TRAF3IP1: variants seen among roughly 807,000 people sequenced by gnomAD.
The protein encoded by TRAF3IP1 is TRAF3-interacting protein 1.
TRAF3IP1 carries 53 observed loss-of-function variants against 89.9 expected under a neutral mutation model. The ratio of observed to expected loss-of-function variants is 0.59; its 90% CI spans 0.47 to 0.74. The LOEUF (loss-of-function observed/expected upper bound fraction) is 0.74. Among genes scored for constraint, TRAF3IP1 ranks in the 30% least tolerant of loss-of-function variants. TRAF3IP1 has a pLI of 0.00. For missense variants in TRAF3IP1, 806 were observed against 866.1 expected, an observed-to-expected ratio of 0.93 and a Z score of 0.87; for synonymous variants, 311 against 322.1, an observed-to-expected ratio of 0.97 and a Z score of 0.37.
In TRAF3IP1 at chr2:238,320,619, G is replaced by C; in HGVS notation, c.-44G>C. The C allele has an allele frequency of 3.2e-6, 4 of 1,242,352 alleles. No individual in the cohort carries two copies. Among genetic ancestry groups the C allele is most frequent in the Non-Finnish European group, 4.1e-6 (4 of 976,320 alleles). 77.0% of individuals were successfully genotyped at this position (1,242,352 alleles called of 1,614,324 possible). On this transcript the variant is annotated 5_prime_UTR_variant, in exon 1 of 17. Coordinates refer to ENST00000373327, the MANE Select transcript of TRAF3IP1 (RefSeq NM_015650.4). Reference sequence around the variant, plus strand: ...GGGACCCGGGCTTAGGCTCGGCCAGGCCGGCTGAGGGGCGCGGGCGGCCAG... The same window carrying C: ...GGGACCCGGGCTTAGGCTCGGCCAGCCCGGCTGAGGGGCGCGGGCGGCCAG...
rs747081727 is a variant in TRAF3IP1, at chr2:238,345,423, A to G, written c.1261+825A>G. 6.6e-6 allele frequency among the ~76,000 whole-genome samples: 1 copy of G among 152,176 alleles called. No homozygotes were observed. The highest frequency in any genetic ancestry group is 1.5e-5 in the Non-Finnish European group (1 of 68,026). ...CTGCAGGGCAGAAGGGGCTGTATAA[A>G]CCAAGATCCCGGCTGGGATGCGACT... On this transcript the variant is annotated intron_variant, in intron 9 of 16. Coordinates refer to ENST00000373327, the MANE Select transcript of TRAF3IP1 (RefSeq NM_015650.4). This position sits in a 1 kb window ranked among gnomAD's most constrained non-coding sequence, Gnocchi z 4.7.
At chr2:238,365,317 T>C (rs944006813) in intron 15 of TRAF3IP1, among the ~76,000 whole-genome samples, 1 of 152,178 alleles carries the variant, frequency 6.6e-6, no homozygotes, top group Non-Finnish European at 1.5e-5. Flanking sequence ...CCTAGTATTA[T>C]TGGATTTTTC....
chr2:238,369,961 C>G (rs951560586), intron 15 of TRAF3IP1, among the ~76,000 whole-genome samples: 1 of 152,146 alleles, frequency 6.6e-6, no homozygotes, highest in Non-Finnish European at 1.5e-5. Context: ...TGTGTCCTTT[C>G]AGCCTGCGCC....
chr2:238,373,326 G>C (rs1444415012), intron 15 of TRAF3IP1, among the ~76,000 whole-genome samples: 1 of 152,132 alleles, frequency 6.6e-6, no homozygotes, highest in African/African-American at 2.4e-5. Flanking sequence ...ATAAGGAAGG[G>C]ATCCAGTTTC....
intron 12 of TRAF3IP1, among the ~76,000 whole-genome samples, chr2:238,352,040 C>T (rs141974863): frequency 3.3e-5 from 5 of 151,832 alleles, no homozygotes; most frequent in Admixed American, 2.0e-4. Flanking sequence ...ATTAAGGAGC[C>T]TGTAGAGTGT....
intron 7 of TRAF3IP1, 44 bp downstream of exon 7, chr2:238,334,079 T>TTG: frequency 5.3e-6 from 5 of 951,058 alleles, no homozygotes; most frequent in Non-Finnish European, 7.0e-6. Context: ...TGGATATTAG[T>TTG]TTTTTTTTTT....
chr2:238,324,902 G>A (rs554344009), intron 1 of TRAF3IP1, among the ~76,000 whole-genome samples: 2 of 152,216 alleles, frequency 1.3e-5, no homozygotes, highest in South Asian at 2.1e-4. Context: ...ACACCCAGCC[G>A]TGTGGACTTT....
chr2:238,338,366 GA>G lies in TRAF3IP1; in HGVS notation c.1070del (p.Lys357ArgfsTer10). 6.5e-7 allele frequency: 1 copy of G among 1,547,974 alleles called. No individual in the cohort carries two copies. Among genetic ancestry groups the G allele is most frequent in the Non-Finnish European group, 8.8e-7 (1 of 1,138,176 alleles). ...TTGTTAACTATTTTATGTCAGGAAG[GA>G]AGGAGGATAATATTTCAGCTAAAAG... ...RRSKNSVEGR[K>X]EDNISAKSLD... is the part of the protein sequence containing the mutation. On this transcript the variant is annotated frameshift_variant, in exon 8 of 17. Transcript: ENST00000373327. LOFTEE classifies it high-confidence loss of function.
Position 238,379,006 on chromosome 2 carries a change from C to T in TRAF3IP1, c.1690-18453C>T, listed in dbSNP as rs553701253. On this transcript the variant is annotated intron_variant, in intron 15 of 16. Transcript: ENST00000373327. The surrounding 1 kb of genome is among the most constrained non-coding windows in gnomAD (Gnocchi z 4.0). ...CTTTGGTGCCCTCTGTGGGACTCAG[C>T]GTTCGGTCCCCACCTCAGGCAGCCT... 2.0e-4 allele frequency among the ~76,000 whole-genome samples: 30 copies of T among 152,296 alleles called. No individual in the cohort carries two copies. Among genetic ancestry groups the T allele is most frequent in the South Asian group, 2.1e-4 (1 of 4,826 alleles).
intron 3 of TRAF3IP1, 119 bp downstream of exon 3, chr2:238,326,089 C>T: frequency 1.0e-6 from 1 of 958,818 alleles, no homozygotes; most frequent in East Asian, 2.6e-5. Context: ...GTCTGTCAAA[C>T]ACTGTGCTTT....
Position 238,349,515 on chromosome 2 carries a change from C to T in TRAF3IP1, c.1451+107C>T, listed in dbSNP as rs544077037. ...GGGAAGCAGCACATGGTGCTGGAAA[C>T]ATGCTATTGAGGAACAAAAAGTGAG... On this transcript the variant is annotated intron_variant, in intron 12 of 16. Transcript: ENST00000373327. 6.0e-6 allele frequency: 7 copies of T among 1,169,306 alleles called. No individual in the cohort carries two copies. The South Asian group carries it at 9.3e-5, about 15-fold the overall frequency. The allele number at this position is 1,169,306 out of a possible 1,614,324, so 72.4% of individuals were successfully genotyped here. A position where few individuals can be genotyped will look rare whatever the true frequency, so the allele number is the denominator to read the frequency against.
chr2:238,376,098 C>G (rs925969084), intron 15 of TRAF3IP1, among the ~76,000 whole-genome samples: 2 of 152,204 alleles, frequency 1.3e-5, no homozygotes, highest in African/African-American at 4.8e-5. Context: ...CATGTAATCT[C>G]TGTTGCCACT....
chr2:238,339,574 T>C (rs984925220), intron 8 of TRAF3IP1, among the ~76,000 whole-genome samples: 2 of 152,260 alleles, frequency 1.3e-5, no homozygotes, highest in African/African-American at 4.8e-5. Context: ...ACCTCATCTC[T>C]GAGGCCACAG....
chr2:238,375,513 G>A (rs1424613212), intron 15 of TRAF3IP1, among the ~76,000 whole-genome samples: 1 of 152,142 alleles, frequency 6.6e-6, no homozygotes, highest in Admixed American at 6.5e-5. Flanking sequence ...CGTGATTTCT[G>A]TTCTTTTACA....
In TRAF3IP1 at chr2:238,320,799, A is replaced by C; in HGVS notation, c.123+14A>C. Reference sequence around the variant, plus strand: ...ATCATCACGGAGGTGGGCGCCGGGGACCGGGCCCGGCCAGGTGCGGGTCGG... The same window carrying C: ...ATCATCACGGAGGTGGGCGCCGGGGCCCGGGCCCGGCCAGGTGCGGGTCGG... On this transcript the variant is annotated intron_variant, in intron 1 of 16. Coordinates refer to ENST00000373327, the MANE Select transcript of TRAF3IP1 (RefSeq NM_015650.4). 7.1e-7 allele frequency: 1 copy of C among 1,400,104 alleles called. No homozygotes were observed. The highest frequency in any genetic ancestry group is 1.5e-5 in the African/African-American group (1 of 66,090). The allele number at this position is 1,400,104 out of a possible 1,614,324, so 86.7% of individuals were successfully genotyped here.
Position 238,351,882 on chromosome 2 carries a change from T to C in TRAF3IP1, c.1452-945T>C, listed in dbSNP as rs1032084884. 6.7e-5 allele frequency among the ~76,000 whole-genome samples: 10 copies of C among 148,876 alleles called. No homozygotes were observed. Among genetic ancestry groups the C allele is most frequent in the Middle Eastern group, 3.5e-3 (1 of 288 alleles). On this transcript the variant is annotated intron_variant, in intron 12 of 16. Transcript: ENST00000373327. The surrounding 1 kb of genome is among the most constrained non-coding windows in gnomAD (Gnocchi z 5.2). The stretch of plus-strand genomic sequence containing the variant: ...GTGTGTGTGTGCGCGCGCGCGCGTG[T>C]GCGTGCATGTGCTTGTGTGTATGCG...
chr2:238,347,719 C>G (rs1379917126), intron 10 of TRAF3IP1, among the ~76,000 whole-genome samples: 1 of 152,062 alleles, frequency 6.6e-6, no homozygotes, highest in East Asian at 1.9e-4. Context: ...CCTCTGCCTC[C>G]CGGGTTCAAG....
intron 14 of TRAF3IP1, 94 bp downstream of exon 14, chr2:238,353,303 G>A (rs1226146332): frequency 1.4e-6 from 2 of 1,400,700 alleles, no homozygotes; most frequent in Non-Finnish European, 1.0e-6. Flanking sequence ...GCAAGGGACT[G>A]TTGTGTGCCA....
At chr2:238,369,340 G>T (rs144390454) in intron 15 of TRAF3IP1, among the ~76,000 whole-genome samples, 1 of 152,344 alleles carries the variant, frequency 6.6e-6, no homozygotes, top group African/African-American at 2.4e-5. Context: ...AGAGATTAAT[G>T]GTAGTGATAT....
Sources: gnomAD v4.1 joint callset for allele counts (sites outside exome capture counted in the v4.1 genomes callset) on GRCh38, gnomAD v4.1.1 for gene constraint, Gnocchi (gnomAD v3.1) non-coding constraint, MANE v1.5 for transcripts, NCBI Gene and HGNC (gene_info 2026-07-23, HGNC 2026-07-21) for gene names.